Variants in DPP6 observed in about 807,000 individuals in gnomAD.
DPP6 encodes dipeptidyl peptidase like 6.
In DPP6, 69 loss-of-function variants were observed where a neutral mutation model predicts 122.6. The observed-to-expected ratio is 0.56, with a 90% CI of 0.46 to 0.69. The LOEUF (loss-of-function observed/expected upper bound fraction) is 0.69, where lower values mean the gene tolerates loss of function less well. DPP6 is among the 30% of genes least tolerant of loss of function. The pLI is 0.00. For synonymous variants in DPP6, 418 were observed against 433.1 expected (o/e 0.97, Z 0.43); for missense variants, 928 against 1,116.9 (o/e 0.83, Z 2.41).
intron 7 of DPP6, among the ~76,000 whole-genome samples, chr7:154,723,918 G>A (rs1412252166): frequency 1.3e-5 from 2 of 152,212 alleles, no homozygotes; most frequent in East Asian, 3.9e-4. Context: ...CCATAAGGAT[G>A]TGGGCAGAGA....
intron 1 of DPP6, among the ~76,000 whole-genome samples, chr7:154,445,777 T>TA (rs33926357): frequency 2.7e-4 from 40 of 147,890 alleles, no homozygotes; most frequent in Middle Eastern, 3.6e-3. Flanking sequence ...CACATGGATG[T>TA]AAAAAAAAAA....
intron 1 of DPP6, among the ~76,000 whole-genome samples, chr7:154,396,324 A>T (rs1294874864): frequency 6.6e-6 from 1 of 152,156 alleles, no homozygotes. Flanking sequence ...AAATAGTGGG[A>T]CTGTGATTTA....
At chr7:154,547,611 C>G (rs1487252715) in intron 4 of DPP6, among the ~76,000 whole-genome samples, 1 of 152,204 alleles carries the variant, frequency 6.6e-6, no homozygotes, top group Non-Finnish European at 1.5e-5. Flanking sequence ...AACTCAATGT[C>G]TTCTGCAAGA....
chr7:154,491,223 A>C (rs1824251138), intron 3 of DPP6, among the ~76,000 whole-genome samples: 1 of 152,208 alleles, frequency 6.6e-6, no homozygotes, highest in Non-Finnish European at 1.5e-5. Context: ...TTAAAAACTT[A>C]ATGTTGGATT....
intron 1 of DPP6, among the ~76,000 whole-genome samples, chr7:153,896,029 A>G (rs1584997390): frequency 2.0e-5 from 3 of 152,356 alleles, no homozygotes; most frequent in Admixed American, 2.0e-4. Context: ...ATTGGATGGG[A>G]TGGGACTGCA....
At chr7:154,383,305 T>G (rs1484296732) in intron 1 of DPP6, among the ~76,000 whole-genome samples, 1 of 152,252 alleles carries the variant, frequency 6.6e-6, no homozygotes, top group East Asian at 1.9e-4. Context: ...AACTGAGTAC[T>G]TCGCAACTCA....
intron 8 of DPP6, among the ~76,000 whole-genome samples, chr7:154,742,700 C>CT (rs1365405775): frequency 6.6e-6 from 1 of 152,232 alleles, no homozygotes; most frequent in African/African-American, 2.4e-5. Flanking sequence ...CATCGTGCCA[C>CT]TGGGAGTTTC....
At chr7:154,793,955 C>T in intron 10 of DPP6, 124 bp from the exon 11 acceptor site, 2 of 1,423,140 alleles carry the variant, frequency 1.4e-6, no homozygotes, top group Non-Finnish European at 9.4e-7. Context: ...CGCAGGCTGG[C>T]TGTGTCACCA....
chr7:153,978,263 G>T (rs1012998696), intron 1 of DPP6, among the ~76,000 whole-genome samples: 1 of 152,180 alleles, frequency 6.6e-6, no homozygotes, highest in African/African-American at 2.4e-5. Context: ...GTGTGAGATG[G>T]TATCTCATTG....
At chr7:154,526,760 C>T (rs1314291060) in intron 3 of DPP6, among the ~76,000 whole-genome samples, 1 of 152,162 alleles carries the variant, frequency 6.6e-6, no homozygotes, top group Non-Finnish European at 1.5e-5. Flanking sequence ...CACCTTATTG[C>T]TTAAGAGCCA....
intron 7 of DPP6, among the ~76,000 whole-genome samples, chr7:154,679,633 C>G (rs1277061907): frequency 6.6e-6 from 1 of 152,172 alleles, no homozygotes; most frequent in Non-Finnish European, 1.5e-5. Context: ...ATTGATCTTT[C>G]CAGCAAGAGG....
the DPP6 span, among the ~76,000 whole-genome samples, chr7:153,841,309 C>A: frequency 6.6e-6 from 1 of 152,156 alleles, no homozygotes; most frequent in Non-Finnish European, 1.5e-5. Flanking sequence ...ATGTAAGTAA[C>A]CTCCAGGAAA....
chr7:154,440,606 T>G (rs560071805), intron 1 of DPP6, among the ~76,000 whole-genome samples: 1 of 152,196 alleles, frequency 6.6e-6, no homozygotes, highest in Admixed American at 6.5e-5. Context: ...ATGGGTATAG[T>G]TATATCGTAG....
rs181143371 is a variant in DPP6, at chr7:154,106,654, G to A, written c.243+53591G>A. Among the ~76,000 whole-genome samples the A allele has an allele frequency of 5.8e-4, 88 of 151,850 alleles. No individual in the cohort carries two copies. In the East Asian group the frequency reaches 0.011, roughly 19 times the overall value. ...ACGTGGGTGAAGGAGGTCTGGGAAGGTGTCTCTCCTGAGAAGGCAGCAGCT... is the reference window on the plus strand; with the variant it reads ...ACGTGGGTGAAGGAGGTCTGGGAAGATGTCTCTCCTGAGAAGGCAGCAGCT... On this transcript the variant is annotated intron_variant, in intron 1 of 25. Coordinates refer to ENST00000377770, the MANE Select transcript of DPP6 (RefSeq NM_130797.4).
intron 3 of DPP6, among the ~76,000 whole-genome samples, chr7:154,519,314 T>C (rs1020202175): frequency 1.3e-5 from 2 of 152,208 alleles, no homozygotes; most frequent in Admixed American, 6.5e-5. Flanking sequence ...CCTCTGTCCT[T>C]GGTGGCACAG....
At chr7:154,656,738 C>T (rs961754968) in intron 6 of DPP6, among the ~76,000 whole-genome samples, 19 of 134,046 alleles carry the variant, frequency 1.4e-4, no homozygotes, top group African/African-American at 3.5e-4. Flanking sequence ...GGAGAGGCTG[C>T]GTGGGAGGAG....
chr7:153,778,324 CAA>C, the DPP6 span, among the ~76,000 whole-genome samples: 2,558 of 148,742 alleles, frequency 0.017, no homozygotes, highest in African/African-American at 0.063. Context: ...GTGGGCATTA[CAA>C]ATATATACAT....
chr7:154,111,082 T>C (rs1389709799), intron 1 of DPP6, among the ~76,000 whole-genome samples: 6 of 152,304 alleles, frequency 3.9e-5, no homozygotes, highest in African/African-American at 1.4e-4. Context: ...TAAAAATCCA[T>C]CCTTTCAAAT....
chr7:154,832,623 C>T (rs61027511), intron 16 of DPP6, among the ~76,000 whole-genome samples: 19,055 of 152,200 alleles, frequency 0.13, 1,619 homozygotes, highest in African/African-American at 0.24. Context: ...GTTCCTCCCA[C>T]ATCCGCACAC....
Sources: allele counts gnomAD v4.1 joint callset (sites outside exome capture counted in the v4.1 genomes callset), GRCh38; gene constraint gnomAD v4.1.1; transcripts MANE v1.5; gene names NCBI Gene and HGNC (gene_info 2026-07-23, HGNC 2026-07-21).